Variants in EXOC4 observed in about 807,000 individuals in gnomAD.
EXOC4 encodes the protein exocyst complex component 4, also known as SEC8-like 1.
In EXOC4, 71 loss-of-function variants were observed where a neutral mutation model predicts 107.2. The ratio of observed to expected loss-of-function variants is 0.66; its 90% CI spans 0.55 to 0.81. The LOEUF (loss-of-function observed/expected upper bound fraction) is 0.81, where lower values mean the gene tolerates loss of function less well. Among genes scored for constraint, EXOC4 ranks in the 30% least tolerant of loss-of-function variants. EXOC4 has a pLI of 0.00. For missense variants in EXOC4, 1,108 were observed against 1,189.6 expected, an observed-to-expected ratio of 0.93 and a Z score of 1.01; for synonymous variants, 456 against 441.2, an observed-to-expected ratio of 1.03 and a Z score of -0.42.
At chr7:133,648,830 CAGA>C (rs1448613469) in intron 10 of EXOC4, among the ~76,000 whole-genome samples, 2 of 152,164 alleles carry the variant, frequency 1.3e-5, no homozygotes, top group Non-Finnish European at 2.9e-5. Flanking sequence ...CAGTTAAAAA[CAGA>C]AGTTGTGGAA....
At chr7:133,900,465 G>A (rs1799426198) in intron 12 of EXOC4, among the ~76,000 whole-genome samples, 1 of 152,180 alleles carries the variant, frequency 6.6e-6, no homozygotes, top group Non-Finnish European at 1.5e-5. Flanking sequence ...GGAAAGGAAA[G>A]CTTGGGTCAG....
rs187386085 is a variant in EXOC4, at chr7:133,844,942, A to G, written c.1734+27398A>G. Among the ~76,000 whole-genome samples, 957 of 152,220 alleles carry G rather than the reference A, an allele frequency of 6.3e-3. 6 individuals carry two copies. The highest frequency in any genetic ancestry group is 0.011 in the Non-Finnish European group (727 of 68,020). On this transcript the variant is annotated intron_variant, in intron 11 of 17. Transcript: ENST00000253861. ...ACACTAGATTTTCTACTTTATAGCA[A>G]ATTTCATTGTATCAAATATGAATTT... is the stretch of plus-strand genomic sequence containing the variant.
chr7:133,488,736 A>C (rs1370259052), intron 9 of EXOC4, among the ~76,000 whole-genome samples: 1 of 152,078 alleles, frequency 6.6e-6, no homozygotes, highest in Non-Finnish European at 1.5e-5. Context: ...AAACAGCTCA[A>C]ATGCCCATAG....
chr7:134,069,732 A>G (rs949374516), downstream of EXOC4, among the ~76,000 whole-genome samples: 27 of 152,260 alleles, frequency 1.8e-4, no homozygotes, highest in African/African-American at 6.0e-4. Context: ...TCAGCCTCCC[A>G]AAGCGCTGGG....
chr7:133,399,479 T>C (rs1414849094), intron 7 of EXOC4, among the ~76,000 whole-genome samples: 1 of 152,230 alleles, frequency 6.6e-6, no homozygotes, highest in Non-Finnish European at 1.5e-5. Context: ...ACTGAATCTG[T>C]CTAAACATCA....
At chr7:133,851,796 T>C (rs184826471) in intron 11 of EXOC4, among the ~76,000 whole-genome samples, 1 of 152,282 alleles carries the variant, frequency 6.6e-6, no homozygotes, top group Non-Finnish European at 1.5e-5. Context: ...GTAAGCATAG[T>C]AGGTGGCCAT....
chr7:134,055,957 A>C (rs1795911245), intron 17 of EXOC4, among the ~76,000 whole-genome samples: 1 of 152,206 alleles, frequency 6.6e-6, no homozygotes, highest in South Asian at 2.1e-4. Flanking sequence ...GCTTTGAAGA[A>C]ATCCTTTGCA....
At chr7:133,262,240 AT>A (rs1409443779) in intron 1 of EXOC4, among the ~76,000 whole-genome samples, 6 of 152,154 alleles carry the variant, frequency 3.9e-5, no homozygotes, top group African/African-American at 1.4e-4. Flanking sequence ...GTGCAGTGAT[AT>A]GTGCCTGTAG....
At chr7:133,730,781 G>A (rs1201379604) in intron 10 of EXOC4, among the ~76,000 whole-genome samples, 1 of 152,114 alleles carries the variant, frequency 6.6e-6, no homozygotes, top group Non-Finnish European at 1.5e-5. Context: ...GAAATTATGT[G>A]CTATATTGGT....
chr7:133,814,522 G>A (rs936959651), intron 10 of EXOC4, among the ~76,000 whole-genome samples: 1 of 151,986 alleles, frequency 6.6e-6, no homozygotes, highest in African/African-American at 2.4e-5. Context: ...TTTAGATATA[G>A]CTCTCAGAAG....
intron 10 of EXOC4, among the ~76,000 whole-genome samples, chr7:133,675,678 G>A (rs150222704): frequency 1.1e-4 from 16 of 152,252 alleles, no homozygotes; most frequent in African/African-American, 3.8e-4. Context: ...CATATCTGAT[G>A]GCTCTGCCAA....
chr7:133,779,199 G>A (rs114036179), intron 10 of EXOC4, among the ~76,000 whole-genome samples: 1,952 of 152,192 alleles, frequency 0.013, 40 homozygotes, highest in African/African-American at 0.043. Context: ...AGGCCACAGG[G>A]TTTTGCTTTC....
At chr7:133,479,995 T>A in intron 8 of EXOC4, 55 bp from the exon 9 acceptor site, 1 of 1,370,636 alleles carries the variant, frequency 7.3e-7, no homozygotes, top group Non-Finnish European at 1.0e-6. Flanking sequence ...ACAGAGCTGG[T>A]CAGCACTTAA....
downstream of EXOC4, among the ~76,000 whole-genome samples, chr7:134,069,071 C>G (rs754197377): frequency 1.3e-5 from 2 of 152,124 alleles, no homozygotes; most frequent in Non-Finnish European, 1.5e-5. Context: ...ACCACCCTTT[C>G]ATTTAGGAAG....
At chr7:134,006,775 G>A (rs759406440) in intron 16 of EXOC4, among the ~76,000 whole-genome samples, 3 of 152,144 alleles carry the variant, frequency 2.0e-5, no homozygotes, top group Non-Finnish European at 4.4e-5. Flanking sequence ...AGGAAGAAAC[G>A]TTTACTGAAT....
intron 11 of EXOC4, among the ~76,000 whole-genome samples, chr7:133,871,258 A>G (rs554743453): frequency 8.2e-4 from 124 of 151,780 alleles, no homozygotes; most frequent in Middle Eastern, 3.4e-3. Flanking sequence ...TTTTAAGTTC[A>G]GTGACATCTC....
At chr7:133,429,989 A>AT (rs1332673841) in intron 7 of EXOC4, among the ~76,000 whole-genome samples, 2 of 152,168 alleles carry the variant, frequency 1.3e-5, no homozygotes, top group Non-Finnish European at 2.9e-5. Context: ...GTGTGTTAAA[A>AT]TTAATGCTCT....
chr7:133,550,274 A>G (rs1158039103), intron 9 of EXOC4, among the ~76,000 whole-genome samples: 1 of 152,194 alleles, frequency 6.6e-6, no homozygotes, highest in Admixed American at 6.5e-5. Context: ...TGCCAAGTAC[A>G]TAGTAGGTAC....
intron 2 of EXOC4, among the ~76,000 whole-genome samples, chr7:133,287,601 C>T (rs756162128): frequency 2.6e-5 from 4 of 152,202 alleles, no homozygotes; most frequent in African/African-American, 4.8e-5. Context: ...GCATGAGCCA[C>T]TGCGCCTGGC....
Sources: gnomAD v4.1 joint callset for allele counts (sites outside exome capture counted in the v4.1 genomes callset) on GRCh38, gnomAD v4.1.1 for gene constraint, MANE v1.5 for transcripts, NCBI Gene and HGNC (gene_info 2026-07-23, HGNC 2026-07-21) for gene names.